The following MAP3K7CL variants were observed in gnomAD, a reference collection of about 807,000 sequenced individuals.
MAP3K7CL encodes the protein MAP3K7 C-terminal-like protein.
MAP3K7CL carries 16 observed loss-of-function variants against 18.6 expected under a neutral mutation model. The ratio of observed to expected loss-of-function variants is 0.86; its 90% confidence interval spans 0.58 to 1.31. The LOEUF is 1.31. MAP3K7CL is among the 50% of genes most tolerant of loss of function. MAP3K7CL has a pLI of 0.00. For synonymous variants in MAP3K7CL, 65 were observed against 66.8 expected, an observed-to-expected ratio of 0.97 and a Z score of 0.13; for missense variants, 163 against 174.4, an observed-to-expected ratio of 0.93 and a Z score of 0.37.
chr21:29,173,974 A>G (rs1022982913), intron 4 of MAP3K7CL, among the ~76,000 whole-genome samples: 8 of 152,230 alleles, frequency 5.3e-5, no homozygotes, highest in African/African-American at 2.4e-5. Flanking sequence ...TGCTGGGATT[A>G]CAGACATGAA....
Position 29,109,011 on chromosome 21 carries a change from T to C in MAP3K7CL, c.370+16430T>C, listed in dbSNP as rs550633004. 5 of 1,504,240 alleles carry C rather than the reference T, an allele frequency of 3.3e-6. No individual in the cohort carries two copies. The African/African-American group carries it at 6.9e-5, about 21-fold the overall frequency. The allele number at this position is 1,504,240 out of a possible 1,614,324, so 93.2% of individuals were successfully genotyped here. ...TGTCGGCTGGACCCAAATAATTTTC[T>C]AGAATCAGAAAATTCTACTTCCTAC... On this transcript the variant is annotated intron_variant, in intron 4 of 6. Coordinates refer to the MAP3K7CL transcript ENST00000286791.
chr21:29,079,523 C>T (rs532728566), intron 1 of MAP3K7CL, among the ~76,000 whole-genome samples: 25 of 152,244 alleles, frequency 1.6e-4, no homozygotes, highest in Non-Finnish European at 2.9e-4. Context: ...CAAGAGGGAG[C>T]ATCTGATTGG....
upstream of MAP3K7CL, among the ~76,000 whole-genome samples, chr21:29,082,111 G>A (rs2085845896): frequency 6.6e-6 from 1 of 152,144 alleles, no homozygotes; most frequent in African/African-American, 2.4e-5. Flanking sequence ...TTTTGGATGA[G>A]CTAACTGAAT....
chr21:29,119,558 G>A (rs1198603371), intron 4 of MAP3K7CL, among the ~76,000 whole-genome samples: 3 of 151,930 alleles, frequency 2.0e-5, no homozygotes, highest in African/African-American at 7.3e-5. Flanking sequence ...TTGCGCCTTT[G>A]TGTTTCCTGT....
intron 3 of MAP3K7CL, among the ~76,000 whole-genome samples, chr21:29,151,603 G>A (rs1333978746): frequency 1.3e-5 from 2 of 152,126 alleles, no homozygotes; most frequent in South Asian, 2.1e-4. Context: ...TTATTATCAC[G>A]GAAATCAGGT....
rs141456792 is a variant in MAP3K7CL at position 29,123,439 on chromosome 21, G to A, written c.371-25750G>A. Among the ~76,000 whole-genome samples, 231 of 152,238 alleles carry A rather than the reference G, an allele frequency of 1.5e-3. 1 individual carries two copies. Among genetic ancestry groups the A allele is most frequent in the African/African-American group, 5.0e-3 (209 of 41,532 alleles). On this transcript the variant is annotated intron_variant, in intron 4 of 6. Transcript: ENST00000286791. ...AAGAAAGTCACATCTGAATCTGACC[G>A]AGTTTCTAGATCCAATGGCTAATTT... is the stretch of plus-strand genomic sequence containing the variant.
intron 4 of MAP3K7CL, among the ~76,000 whole-genome samples, chr21:29,117,964 T>C (rs890037161): frequency 6.6e-6 from 1 of 152,086 alleles, no homozygotes; most frequent in Non-Finnish European, 1.5e-5. Flanking sequence ...GTTGAATCTT[T>C]ACAGAATTAA....
At chr21:29,151,770 T>C (rs1041260324) in intron 3 of MAP3K7CL, among the ~76,000 whole-genome samples, 3 of 152,266 alleles carry the variant, frequency 2.0e-5, no homozygotes, top group African/African-American at 7.2e-5. Flanking sequence ...GGCTCGTGGA[T>C]CATTCTCCAC....
intron 4 of MAP3K7CL, among the ~76,000 whole-genome samples, chr21:29,112,325 A>G (rs1030764024): frequency 3.9e-5 from 6 of 152,096 alleles, no homozygotes; most frequent in Admixed American, 1.3e-4. Context: ...AAAATAAAAC[A>G]TAAAAAAATC....
intron 2 of MAP3K7CL, among the ~76,000 whole-genome samples, chr21:29,148,146 G>A (rs1017551452): frequency 1.4e-4 from 21 of 151,890 alleles, no homozygotes; most frequent in African/African-American, 5.1e-4. Flanking sequence ...TGTATGTACT[G>A]TATATGTATC....
chr21:29,126,125 T>G (rs1342744291), upstream of MAP3K7CL, among the ~76,000 whole-genome samples: 1 of 152,268 alleles, frequency 6.6e-6, no homozygotes, highest in Non-Finnish European at 1.5e-5. Flanking sequence ...GGACTCTGCA[T>G]GTGCCATACG....
intron 4 of MAP3K7CL, among the ~76,000 whole-genome samples, chr21:29,093,738 G>A (rs1453969950): frequency 1.3e-5 from 2 of 151,838 alleles, no homozygotes; most frequent in Non-Finnish European, 1.5e-5. Flanking sequence ...CGATCCACCC[G>A]CCTCGGCCTC....
chr21:29,105,437 AG>A (rs2086304364), intron 4 of MAP3K7CL, among the ~76,000 whole-genome samples: 3 of 152,214 alleles, frequency 2.0e-5, no homozygotes, highest in African/African-American at 7.2e-5. Context: ...GGCCTCAGGG[AG>A]GAGCTTCCTG....
At chr21:29,162,163 C>T (rs920698075) in intron 4 of MAP3K7CL, among the ~76,000 whole-genome samples, 1 of 151,248 alleles carries the variant, frequency 6.6e-6, no homozygotes, top group Non-Finnish European at 1.5e-5. Flanking sequence ...ATCTATATGA[C>T]GAATAGCCTG....
chr21:29,088,129 A>C (rs1182799362), intron 1 of MAP3K7CL, among the ~76,000 whole-genome samples: 1 of 152,220 alleles, frequency 6.6e-6, no homozygotes, highest in Non-Finnish European at 1.5e-5. Context: ...CTCAAGAGAG[A>C]GCAGAGCTGG....
intron 1 of MAP3K7CL, among the ~76,000 whole-genome samples, chr21:29,080,111 C>T (rs1323530968): frequency 2.0e-5 from 3 of 152,082 alleles, no homozygotes; most frequent in African/African-American, 7.2e-5. Flanking sequence ...TCTCTTGAGC[C>T]TTTATGAATC....
intron 4 of MAP3K7CL, chr21:29,109,614 G>A (rs1255493091): frequency 7.0e-6 from 7 of 997,180 alleles, no homozygotes; most frequent in Non-Finnish European, 8.4e-6. Flanking sequence ...TATTCCCCTC[G>A]TCACAGAGTT....
At chr21:29,127,218 A>T (rs2086695923), upstream of MAP3K7CL, among the ~76,000 whole-genome samples, 1 of 152,258 alleles carries the variant, frequency 6.6e-6, no homozygotes, top group Non-Finnish European at 1.5e-5. Flanking sequence ...AGAGCTCAGT[A>T]TGTGAAAAGC....
upstream of MAP3K7CL, among the ~76,000 whole-genome samples, chr21:29,081,143 T>G (rs1412667549): frequency 6.6e-6 from 1 of 152,202 alleles, no homozygotes; most frequent in Non-Finnish European, 1.5e-5. Flanking sequence ...GCTTATATTT[T>G]GAGATAAATT....
Sources: allele counts gnomAD v4.1 joint callset (sites outside exome capture counted in the v4.1 genomes callset), GRCh38; gene constraint gnomAD v4.1.1; transcripts MANE v1.5; gene names NCBI Gene and HGNC (gene_info 2026-07-23, HGNC 2026-07-21).